Variants in MAPKBP1 observed in about 807,000 individuals in gnomAD.
MAPKBP1 encodes the protein mitogen-activated protein kinase-binding protein 1.
MAPKBP1 carries 71 observed loss-of-function variants against 170.5 expected under a neutral mutation model. The observed-to-expected ratio is 0.42, with a 90% CI of 0.34 to 0.51. The LOEUF is 0.51. Ranked by LOEUF, MAPKBP1 falls within the 20% of genes least tolerant of loss-of-function variation. The pLI, the probability that MAPKBP1 is intolerant of heterozygous loss-of-function variation, is 0.06. For synonymous variants in MAPKBP1, 719 were observed against 757.9 expected (o/e 0.95, Z 0.84); for missense variants, 1,598 against 1,933.0 (o/e 0.83, Z 3.25).
rs925991853 is a variant in MAPKBP1 at position 41,819,268 on chromosome 15, T to A, written c.2314T>A (p.Ser772Thr). Residue 772 changes from serine (S) to threonine (T), a missense_variant, in exon 21 of 31, where the codon TCT becomes ACT. Ser to Thr is a moderately conservative substitution (Grantham distance 58). Around this residue, in one of 6 missense-constraint regions of MAPKBP1, gnomAD observed 942 missense variants for 953.2 expected, o/e 0.99. Coordinates refer to ENST00000457542, the MANE Select transcript of MAPKBP1 (RefSeq NM_014994.3). ...CAGGCACCAGGCCCCATCAATGCTG[T>A]CTCCTGGACCGGCTCTCTCATCAGA... ...PNRHQAPSML[S>T]PGPALSSDSD... 1.9e-6 allele frequency: 3 copies of A among 1,614,006 alleles called. No homozygotes were observed. Among genetic ancestry groups the A allele is most frequent in the Non-Finnish European group, 2.5e-6 (3 of 1,179,992 alleles).
In MAPKBP1 at chr15:41,827,515, C is replaced by T. The variant is rs374262013; in HGVS notation, c.*2079C>T. On this transcript the variant is annotated 3_prime_UTR_variant, in exon 31 of 31. Coordinates refer to ENST00000457542, the MANE Select transcript of MAPKBP1 (RefSeq NM_014994.3). Reference sequence around the variant, plus strand: ...CACCGCAGGTGGGACTCAGGTTCGCCCTCTGGGCCAGGTCCTTCACGAGGA... The same window carrying T: ...CACCGCAGGTGGGACTCAGGTTCGCTCTCTGGGCCAGGTCCTTCACGAGGA... 20 of 152,266 alleles carry T rather than the reference C, an allele frequency of 1.3e-4. No individual in the cohort carries two copies. The highest frequency in any genetic ancestry group is 4.6e-4 in the African/African-American group (19 of 41,542). 9.4% of individuals were successfully genotyped at this position (152,266 alleles called of 1,614,324 possible).
In MAPKBP1 at chr15:41,821,747, C is replaced by G. The variant is rs765327605; in HGVS notation, c.2882C>G (p.Thr961Ser). ...PEPSDNPTMD[T>S]SEFQVQAPAR... ...CCGAGTGACAACCCCACCATGGATA[C>G]CAGGCAAGGATCCTGCCCTAGCCAG... The change falls in exon 24 of 31, where the codon ACC becomes AGC. Residue 961 changes from threonine to serine, a missense_variant. Coordinates refer to ENST00000457542, the MANE Select transcript of MAPKBP1 (RefSeq NM_014994.3). 11 of 1,613,538 alleles carry G rather than the reference C, an allele frequency of 6.8e-6. No homozygotes were observed. In the African/African-American group the frequency reaches 1.5e-4, roughly 22 times the overall value.
chr15:41,826,607 G>GATAGCCCATAGGACACCTGGTT lies in MAPKBP1; in HGVS notation c.*1172_*1193dup, dbSNP rs1180768322. 5 of 151,906 alleles carry GATAGCCCATAGGACACCTGGTT rather than the reference G, an allele frequency of 3.3e-5. No homozygotes were observed. Among genetic ancestry groups the GATAGCCCATAGGACACCTGGTT allele is most frequent in the African/African-American group, 1.2e-4 (5 of 41,314 alleles). The allele number at this position is 151,906 out of a possible 1,614,324, so 9.4% of individuals were successfully genotyped here. A position where few individuals can be genotyped will look rare whatever the true frequency, so the allele number is the denominator to read the frequency against. On this transcript the variant is annotated 3_prime_UTR_variant, in exon 31 of 31. Coordinates refer to ENST00000457542, the MANE Select transcript of MAPKBP1 (RefSeq NM_014994.3). ...GGTGTCCACAGCCTAGCTGATACGA[G>GATAGCCCATAGGACACCTGGTT]ATAGCCCATAGGACACCTGGTTTAG...
chr15:41,775,077 G>A (rs1381107014), intron 1 of MAPKBP1, 90 bp from the exon 2 acceptor site: 3 of 578,604 alleles, frequency 5.2e-6, no homozygotes, highest in African/African-American at 1.9e-5. Flanking sequence ...TGAGGGAAAT[G>A]GTGAGAGCAA....
intron 3 of MAPKBP1, among the ~76,000 whole-genome samples, chr15:41,809,038 C>T (rs1485348549): frequency 7.6e-6 from 1 of 132,000 alleles, no homozygotes; most frequent in African/African-American, 3.0e-5. Context: ...GGTGCCACTG[C>T]AGTCCAGCCT....
Position 41,819,300 on chromosome 15 carries a change from CAAG to C in MAPKBP1, c.2347_2349del (p.Lys783del). On this transcript the variant is annotated inframe_deletion, in exon 21 of 31. Coordinates refer to ENST00000457542, the MANE Select transcript of MAPKBP1 (RefSeq NM_014994.3). ...GACCGGCTCTCTCATCAGACAGTGA[CAAG>C]GAGGGAGAAGATGAGGGGACTGAAG... 5.6e-6 allele frequency: 9 copies of C among 1,614,182 alleles called. No individual in the cohort carries two copies. The highest frequency in any genetic ancestry group is 7.6e-6 in the Non-Finnish European group (9 of 1,180,036).
rs1345711483 is a variant in MAPKBP1 at position 41,824,587 on chromosome 15, C to G, written c.4299+18C>G. On this transcript the variant is annotated intron_variant, in intron 30 of 30. Coordinates refer to ENST00000457542, the MANE Select transcript of MAPKBP1 (RefSeq NM_014994.3). ...ACCACTCGGTGGGTGTTAGGTGCCC[C>G]CCGGCAGGAAGGCGGGCACGTCAGT... 7 of 1,577,432 alleles carry G rather than the reference C, an allele frequency of 4.4e-6. No homozygotes were observed. The South Asian group carries it at 8.0e-5, about 18-fold the overall frequency.
Position 41,821,723 on chromosome 15 carries a change from C to T in MAPKBP1, c.2858C>T (p.Pro953Leu), listed in dbSNP as rs369403507. 3.3e-5 allele frequency: 53 copies of T among 1,613,908 alleles called. No homozygotes were observed. Among genetic ancestry groups the T allele is most frequent in the Middle Eastern group, 1.7e-4 (1 of 6,058 alleles). Reference sequence around the variant, plus strand: ...GAAGATGGTATTGTCTACCCGGAGCCGAGTGACAACCCCACCATGGATACC... The same window carrying T: ...GAAGATGGTATTGTCTACCCGGAGCTGAGTGACAACCCCACCATGGATACC... ...PIEDGIVYPE[P>L]SDNPTMDTSE... is the part of the protein sequence containing the mutation. The change falls in exon 24 of 31, where the codon CCG becomes CTG. Residue 953 changes from proline (P) to leucine (L), a missense_variant. Transcript: ENST00000457542.
chr15:41,811,825 C>T, intron 5 of MAPKBP1, 132 bp from the exon 6 acceptor site: 5 of 851,542 alleles, frequency 5.9e-6, no homozygotes, highest in Non-Finnish European at 7.8e-6. Context: ...CTATACCCTG[C>T]CCTGACTTTT....
chr15:41,775,417 C>T (rs565048943), intron 2 of MAPKBP1, 28 bp downstream of exon 2: 4 of 1,490,880 alleles, frequency 2.7e-6, no homozygotes, highest in Non-Finnish European at 2.8e-6. Flanking sequence ...CCACCTCTTT[C>T]CAAACCCACC....
chr15:41,819,791 G>T, intron 22 of MAPKBP1, 141 bp downstream of exon 22: 1 of 870,936 alleles, frequency 1.1e-6, no homozygotes, highest in Non-Finnish European at 1.7e-6. Flanking sequence ...GGAAGGCCTT[G>T]TCGGGGAAGT....
chr15:41,811,229 T>C lies in MAPKBP1; in HGVS notation c.321T>C (p.Thr107=). Residue 107 remains threonine, a synonymous_variant, in exon 5 of 31, where the codon ACT becomes ACC. Coordinates refer to ENST00000457542, the MANE Select transcript of MAPKBP1 (RefSeq NM_014994.3). ...CCCCTGATGGCAAGTACTTGGTCAC[T>C]GGAGAGGTGAGTGAGGAAGAGGGCT... The part of the protein sequence containing the change: ...AFSPDGKYLV[T]GESGHMPAVR... The C allele has an allele frequency of 6.2e-7, 1 of 1,614,210 alleles. No individual in the cohort carries two copies.
At chr15:41,802,267 G>T (rs1162158840) in intron 3 of MAPKBP1, among the ~76,000 whole-genome samples, 1 of 152,228 alleles carries the variant, frequency 6.6e-6, no homozygotes, top group Non-Finnish European at 1.5e-5. Flanking sequence ...GTGAGTGAGT[G>T]TGAGTGCCAG....
intron 26 of MAPKBP1, 25 bp from the exon 27 acceptor site, chr15:41,822,568 T>G: frequency 6.2e-7 from 1 of 1,613,204 alleles, no homozygotes; most frequent in South Asian, 1.1e-5. Flanking sequence ...TTTGCCCCAA[T>G]TCATGATTTC....
At position 41,822,951 on chromosome 15, in the gene MAPKBP1, ATCC is replaced by A. The variant is rs1201220086; in HGVS notation, c.3333_3335del (p.Ser1113del). On this transcript the variant is annotated inframe_deletion, in exon 28 of 31. Coordinates refer to ENST00000457542, the MANE Select transcript of MAPKBP1 (RefSeq NM_014994.3). Reference sequence around the variant, plus strand: ...GTTCTCCCTGTAGGGAACCATCCCCATCCTCCTCAAGCCTGGCACTGATGTCGA... The same window carrying A: ...GTTCTCCCTGTAGGGAACCATCCCCATCCTCAAGCCTGGCACTGATGTCGA... 14 of 1,608,814 alleles carry A rather than the reference ATCC, an allele frequency of 8.7e-6. No homozygotes were observed. Among genetic ancestry groups the A allele is most frequent in the Non-Finnish European group, 1.2e-5 (14 of 1,176,296 alleles).
chr15:41,822,035 A>G lies in MAPKBP1; in HGVS notation c.2956A>G (p.Lys986Glu). 6.2e-7 allele frequency: 1 copy of G among 1,609,728 alleles called. No individual in the cohort carries two copies. Among genetic ancestry groups the G allele is most frequent in the Non-Finnish European group, 8.5e-7 (1 of 1,178,010 alleles). The change falls in exon 25 of 31, where the codon AAG becomes GAG. Residue 986 changes from lysine to glutamate, a missense_variant. By Grantham distance (56) the Lys-to-Glu change is moderately conservative. Around this residue, in one of 6 missense-constraint regions of MAPKBP1, gnomAD observed 942 missense variants for 953.2 expected, o/e 0.99. Coordinates refer to ENST00000457542, the MANE Select transcript of MAPKBP1 (RefSeq NM_014994.3). The stretch of plus-strand genomic sequence containing the variant: ...GTACCCAGGCAGCAGGAGCTCAGAA[A>G]AGCACAGCCCTGACAGTGCCTGCTC... ...RVYPGSRSSE[K>E]HSPDSACSVD...
At position 41,818,355 on chromosome 15, in the gene MAPKBP1, G is replaced by A. The variant is rs370382274; in HGVS notation, c.2092+50G>A. On this transcript the variant is annotated intron_variant, in intron 18 of 30. Coordinates refer to ENST00000457542, the MANE Select transcript of MAPKBP1 (RefSeq NM_014994.3). This position sits in a 1 kb window ranked among gnomAD's most constrained non-coding sequence, Gnocchi z 5.2. Reference sequence around the variant, plus strand: ...TAGAAGCTGATACCTGCGTAAACCTGAGTGAGTTCCACCCCTGGAACTTCA... The same window carrying A: ...TAGAAGCTGATACCTGCGTAAACCTAAGTGAGTTCCACCCCTGGAACTTCA... The A allele has an allele frequency of 5.1e-4, 772 of 1,515,344 alleles. 8 individuals carry two copies. Among genetic ancestry groups the A allele is most frequent in the Middle Eastern group, 4.1e-3 (24 of 5,862 alleles). 93.9% of individuals were successfully genotyped at this position (1,515,344 alleles called of 1,614,324 possible). A position where few individuals can be genotyped will look rare whatever the true frequency, so the allele number is the denominator to read the frequency against.
In MAPKBP1 at chr15:41,825,313, A is replaced by T. The variant is rs777997541; in HGVS notation, c.4404A>T (p.Ala1468=). 7 of 1,613,254 alleles carry T rather than the reference A, an allele frequency of 4.3e-6. No individual in the cohort carries two copies. The highest frequency in any genetic ancestry group is 3.3e-5 in the Admixed American group (2 of 60,024). ...AGGAGCTGGAAGCTGTGGCTGGGGCAGTGCTGTCCAGCCCAGGCAGCAGCC... is the reference window on the plus strand; with the variant it reads ...AGGAGCTGGAAGCTGTGGCTGGGGCTGTGCTGTCCAGCCCAGGCAGCAGCC... ...VRQELEAVAG[A]VLSSPGSSPG... Residue 1468 remains alanine (A), a synonymous_variant, in exon 31 of 31, where the codon GCA becomes GCT. Transcript: ENST00000457542.
chr15:41,822,773 C>T (rs550317082), intron 27 of MAPKBP1, 96 bp downstream of exon 27: 46 of 1,508,640 alleles, frequency 3.0e-5, no homozygotes, highest in South Asian at 4.6e-5. Flanking sequence ...TCTCCATGCG[C>T]GGGGTGTTTT....
Sources: gnomAD v4.1 joint callset for allele counts (sites outside exome capture counted in the v4.1 genomes callset) on GRCh38, gnomAD v4.1.1 for gene constraint, gnomAD v4.1.1 regional missense constraint, Gnocchi (gnomAD v3.1) non-coding constraint, MANE v1.5 for transcripts, NCBI Gene and HGNC (gene_info 2026-07-23, HGNC 2026-07-21) for gene names.